Variants in NR4A3 observed in about 807,000 individuals in gnomAD.
NR4A3 encodes the protein nuclear receptor subfamily 4 group A member 3.
NR4A3 carries 13 observed loss-of-function variants against 55.6 expected under a neutral mutation model. The observed-to-expected ratio is 0.23, with a 90% CI of 0.15 to 0.37. The LOEUF is 0.37. Among genes scored for constraint, NR4A3 ranks in the 10% least tolerant of loss-of-function variants. NR4A3 has a pLI of 1.00. For synonymous variants in NR4A3, 342 were observed against 357.9 expected, an observed-to-expected ratio of 0.96 and a Z score of 0.50; for missense variants, 646 against 822.8, an observed-to-expected ratio of 0.79 and a Z score of 2.63.
chr9:99,838,682 T>C (rs1827601147), intron 5 of NR4A3, among the ~76,000 whole-genome samples: 4 of 152,200 alleles, frequency 2.6e-5, no homozygotes, highest in Admixed American at 2.6e-4. Context: ...TAAAACATGG[T>C]GCCCAGACTG....
intron 7 of NR4A3, among the ~76,000 whole-genome samples, chr9:99,856,218 C>G (rs1277884077): frequency 6.6e-6 from 1 of 151,482 alleles, no homozygotes; most frequent in South Asian, 2.1e-4. Context: ...CGGTGGGAAC[C>G]CTGAGCTCAT....
intron 7 of NR4A3, among the ~76,000 whole-genome samples, chr9:99,849,194 CT>C (rs1216428975): frequency 6.6e-6 from 1 of 152,184 alleles, no homozygotes; most frequent in African/African-American, 2.4e-5. Context: ...TTAGATGTGT[CT>C]GTGCCTTAAG....
intron 2 of NR4A3, chr9:99,826,856 C>A: frequency 2.0e-6 from 3 of 1,495,468 alleles, no homozygotes; most frequent in South Asian, 1.1e-5. Flanking sequence ...ATTAGTCACA[C>A]CTTTTACACC....
At chr9:99,831,543 A>G (rs1827440963) in intron 3 of NR4A3, among the ~76,000 whole-genome samples, 1 of 152,358 alleles carries the variant, frequency 6.6e-6, no homozygotes, top group South Asian at 2.1e-4. Flanking sequence ...GAATGACTGG[A>G]AGTAAATGTT....
At chr9:99,841,225 G>A (rs561173093) in intron 5 of NR4A3, among the ~76,000 whole-genome samples, 282 of 126,898 alleles carry the variant, frequency 2.2e-3, no homozygotes, top group African/African-American at 8.0e-3. Context: ...GCAAGACTCT[G>A]TCTCCGAAAA....
chr9:99,828,200 C>T lies in NR4A3; in HGVS notation c.158C>T (p.Thr53Met), dbSNP rs529538777. ...GSTEITATAT[T>M]SLPSISTFVE... ...ACTGAGATCACGGCTACAGCCACCA[C>T]GTCCCTGCCCAGCATCAGTACCTTC... Residue 53 changes from threonine to methionine, a missense_variant, in exon 3 of 8, where the codon ACG becomes ATG. Physicochemically the swap from Thr to Met is moderately conservative, Grantham distance 81. Around this residue, in one of 5 missense-constraint regions of NR4A3, gnomAD observed 426 missense variants for 429.4 expected, o/e 0.99. Coordinates refer to ENST00000395097, the MANE Select transcript of NR4A3 (RefSeq NM_006981.4). This position sits in a 1 kb window ranked among gnomAD's most constrained non-coding sequence, Gnocchi z 7.7. 1.2e-5 allele frequency: 20 copies of T among 1,614,108 alleles called. No individual in the cohort carries two copies. Among genetic ancestry groups the T allele is most frequent in the Admixed American group, 3.3e-5 (2 of 60,020 alleles).
intron 7 of NR4A3, among the ~76,000 whole-genome samples, chr9:99,848,276 G>A (rs960870521): frequency 3.3e-4 from 51 of 152,246 alleles, no homozygotes; most frequent in African/African-American, 1.2e-3. Flanking sequence ...TAATAACTTC[G>A]ATTGGCAAAG....
intron 3 of NR4A3, among the ~76,000 whole-genome samples, chr9:99,829,510 GAT>G (rs1054555632): frequency 1.3e-5 from 2 of 152,160 alleles, no homozygotes; most frequent in Non-Finnish European, 2.9e-5. Context: ...TTGTTTTGTA[GAT>G]GAGGATGTTG....
At chr9:99,834,788 C>T (rs1827527222) in intron 5 of NR4A3, 1 of 985,228 alleles carries the variant, frequency 1.0e-6, no homozygotes, top group Non-Finnish European at 1.2e-6. Flanking sequence ...CTCCTCTCTG[C>T]ACCTGATAAC....
intron 3 of NR4A3, among the ~76,000 whole-genome samples, chr9:99,829,696 T>C (rs974058363): frequency 2.6e-5 from 4 of 152,072 alleles, no homozygotes; most frequent in African/African-American, 9.7e-5. Context: ...CCTCTTTCCA[T>C]AGAAGATAGA....
At chr9:99,839,885 A>G (rs1291980408) in intron 5 of NR4A3, among the ~76,000 whole-genome samples, 1 of 152,250 alleles carries the variant, frequency 6.6e-6, no homozygotes, top group Admixed American at 6.5e-5. Flanking sequence ...CCAGAGACAG[A>G]GCAATCAATG....
chr9:99,853,283 T>C (rs1462191986), intron 7 of NR4A3, among the ~76,000 whole-genome samples: 1 of 151,518 alleles, frequency 6.6e-6, no homozygotes, highest in East Asian at 1.9e-4. Flanking sequence ...TGTTCATGCA[T>C]CCCTGCAACT....
chr9:99,842,369 G>A (rs1231813881), intron 5 of NR4A3, among the ~76,000 whole-genome samples: 1 of 152,140 alleles, frequency 6.6e-6, no homozygotes, highest in Non-Finnish European at 1.5e-5. Context: ...CTGTACTGTT[G>A]ACAGAAACAT....
rs759537106 is a variant in NR4A3 at position 99,828,103 on chromosome 9, A to G, written c.61A>G (p.Thr21Ala). Residue 21 changes from threonine (T) to alanine (A), a missense_variant, in exon 3 of 8, where the codon ACA becomes GCA. By Grantham distance (58) the Thr-to-Ala change is moderately conservative. This residue lies in a region of NR4A3 where 426 missense variants were observed against 429.4 expected (regional missense o/e 0.99). Coordinates refer to ENST00000395097, the MANE Select transcript of NR4A3 (RefSeq NM_006981.4). The surrounding 1 kb of genome is among the most constrained non-coding windows in gnomAD (Gnocchi z 7.7). ...TCCAGGTTCCAGTTATGCGGCGCAG[A>G]CATACAGCTCGGAATACACCACGGA... Reference protein sequence around the residue: ...SPPGSSYAAQTYSSEYTTEIM... With the variant: ...SPPGSSYAAQAYSSEYTTEIM... The G allele has an allele frequency of 1.9e-6, 3 of 1,614,096 alleles. No homozygotes were observed. Among genetic ancestry groups the G allele is most frequent in the South Asian group, 2.2e-5 (2 of 91,074 alleles).
chr9:99,841,769 A>G (rs1282985847), intron 5 of NR4A3, among the ~76,000 whole-genome samples: 2 of 134,828 alleles, frequency 1.5e-5, no homozygotes, highest in South Asian at 4.6e-4. Flanking sequence ...ATAGGAGTTC[A>G]AGACCAGCCT....
intron 7 of NR4A3, among the ~76,000 whole-genome samples, chr9:99,861,946 C>A (rs943884548): frequency 6.6e-6 from 1 of 151,220 alleles, no homozygotes; most frequent in African/African-American, 2.4e-5. Flanking sequence ...ATTTAAAAAT[C>A]AACCAGGTAT....
intron 5 of NR4A3, among the ~76,000 whole-genome samples, chr9:99,838,418 A>G (rs908541695): frequency 1.2e-4 from 18 of 152,352 alleles, no homozygotes; most frequent in Admixed American, 3.3e-4. Context: ...TTAGAACTAC[A>G]AGGTAAACAG....
At chr9:99,857,640 C>G (rs1484539064) in intron 7 of NR4A3, among the ~76,000 whole-genome samples, 1 of 151,992 alleles carries the variant, frequency 6.6e-6, no homozygotes, top group Non-Finnish European at 1.5e-5. Flanking sequence ...CAAAAATTAG[C>G]TGGGCCTTGG....
chr9:99,850,941 GC>G (rs951191153), intron 7 of NR4A3, among the ~76,000 whole-genome samples: 4 of 152,194 alleles, frequency 2.6e-5, no homozygotes, highest in Non-Finnish European at 5.9e-5. Context: ...ACAGGTGGTG[GC>G]TTTAGAAGGC....
Sources: allele counts gnomAD v4.1 joint callset (sites outside exome capture counted in the v4.1 genomes callset), GRCh38; gene constraint gnomAD v4.1.1; regional missense constraint gnomAD v4.1.1; non-coding constraint Gnocchi (gnomAD v3.1); transcripts MANE v1.5; gene names NCBI Gene and HGNC (gene_info 2026-07-23, HGNC 2026-07-21).